GASK1A: variants seen among roughly 807,000 people sequenced by gnomAD.
GASK1A encodes Golgi-associated kinase 1A.
Under a neutral mutation model 41.2 loss-of-function variants are expected in GASK1A, and 40 were observed. The ratio of observed to expected loss-of-function variants is 0.97; its 90% CI spans 0.75 to 1.27. GASK1A has a LOEUF of 1.27. Ranked by LOEUF, GASK1A falls within the 50% of genes most tolerant of loss-of-function variation. The probability of loss-of-function intolerance (pLI) is 0.00; values close to 1 mark genes in which losing one functional copy is unlikely to be tolerated. For synonymous variants in GASK1A, 316 were observed against 307.1 expected (o/e 1.03, Z -0.30); for missense variants, 678 against 745.1 (o/e 0.91, Z 1.05).
chr3:43,051,076 C>CT (rs1256127423), intron 2 of GASK1A, among the ~76,000 whole-genome samples: 1 of 152,114 alleles, frequency 6.6e-6, no homozygotes, highest in Non-Finnish European at 1.5e-5. Flanking sequence ...CTTTGACTGT[C>CT]TCATATTTTT....
chr3:43,054,777 A>C (rs952588678), intron 3 of GASK1A, among the ~76,000 whole-genome samples: 2 of 152,214 alleles, frequency 1.3e-5, no homozygotes, highest in African/African-American at 4.8e-5. Context: ...TTGGTTTTGA[A>C]AAGGTTTAGG....
In GASK1A at chr3:42,992,895, G is replaced by A. The variant is rs184721849; in HGVS notation, c.3+13250G>A. Among the ~76,000 whole-genome samples, 6 of 152,304 alleles carry A rather than the reference G, an allele frequency of 3.9e-5. No individual in the cohort carries two copies. In the East Asian group the frequency reaches 7.7e-4, roughly 20 times the overall value. On this transcript the variant is annotated intron_variant, in intron 1 of 4. Transcript: ENST00000430121. Reference sequence around the variant, plus strand: ...TTATAGACAAAAAAGGTAAAGTGACGTACAGGAATCGGAAGTAGGTACAGA... The same window carrying A: ...TTATAGACAAAAAAGGTAAAGTGACATACAGGAATCGGAAGTAGGTACAGA...
chr3:42,985,582 TGTGTGG>T (rs1559395420), intron 1 of GASK1A, among the ~76,000 whole-genome samples: 7 of 146,472 alleles, frequency 4.8e-5, no homozygotes, highest in South Asian at 2.2e-4. Context: ...TGTGTGTGTG[TGTGTGG>T]GCGGAGGCAG....
In GASK1A at chr3:43,054,040, AG is replaced by A. The variant is rs1164071391; in HGVS notation, c.1413+398del. 2.6e-5 allele frequency: 9 copies of A among 350,748 alleles called. No homozygotes were observed. The East Asian group carries it at 6.7e-4, about 26-fold the overall frequency. The allele number at this position is 350,748 out of a possible 1,614,324, so 21.7% of individuals were successfully genotyped here. A position where few individuals can be genotyped will look rare whatever the true frequency, so the allele number is the denominator to read the frequency against. ...GGAATCTTCAAGGCCATACGCTAGC[AG>A]CATTAGGGCATGAACCCAAGACTGC... On this transcript the variant is annotated intron_variant, in intron 3 of 4. Transcript: ENST00000430121.
At chr3:43,027,035 C>T (rs57641345) in intron 1 of GASK1A, among the ~76,000 whole-genome samples, 31,270 of 152,158 alleles carry the variant, frequency 0.21, 3,464 homozygotes, top group South Asian at 0.36. Flanking sequence ...AAAATCAGTT[C>T]AATCTTAGAT....
intron 2 of GASK1A, among the ~76,000 whole-genome samples, chr3:43,036,931 C>G (rs947464165): frequency 3.9e-5 from 6 of 152,294 alleles, no homozygotes; most frequent in African/African-American, 1.4e-4. Context: ...CTGTAATAGG[C>G]TCCTGACCCA....
chr3:43,050,423 G>A (rs2089683632), intron 2 of GASK1A, among the ~76,000 whole-genome samples: 1 of 152,146 alleles, frequency 6.6e-6, no homozygotes, highest in East Asian at 1.9e-4. Context: ...TCCTTTTTAT[G>A]TGATGAGTGA....
At chr3:42,988,555 G>A (rs1465709572) in intron 1 of GASK1A, among the ~76,000 whole-genome samples, 1 of 152,244 alleles carries the variant, frequency 6.6e-6, no homozygotes, top group Non-Finnish European at 1.5e-5. Flanking sequence ...GCGAGATGAA[G>A]AGAGTAAGGC....
chr3:43,039,005 T>C (rs1482093245), intron 2 of GASK1A, among the ~76,000 whole-genome samples: 1 of 149,912 alleles, frequency 6.7e-6, no homozygotes, highest in Admixed American at 6.8e-5. Context: ...CTTTATTCTT[T>C]TAGTATAAAA....
chr3:43,005,273 A>G (rs1407490458), intron 1 of GASK1A, among the ~76,000 whole-genome samples: 1 of 152,224 alleles, frequency 6.6e-6, no homozygotes, highest in East Asian at 1.9e-4. Flanking sequence ...TTAACGGCTG[A>G]GCAGTATCCA....
chr3:43,031,344 C>T (rs1238374591), intron 1 of GASK1A, among the ~76,000 whole-genome samples: 1 of 152,190 alleles, frequency 6.6e-6, no homozygotes, highest in Non-Finnish European at 1.5e-5. Flanking sequence ...CAGTGGCTCT[C>T]AAGCTTAAGC....
At chr3:43,014,297 A>C (rs1296069685) in intron 1 of GASK1A, among the ~76,000 whole-genome samples, 1 of 152,012 alleles carries the variant, frequency 6.6e-6, no homozygotes, top group Non-Finnish European at 1.5e-5. Flanking sequence ...AGTCATGGGA[A>C]GGGGCTGTCT....
intron 1 of GASK1A, among the ~76,000 whole-genome samples, chr3:42,996,688 G>A (rs906881472): frequency 9.9e-5 from 15 of 152,206 alleles, no homozygotes; most frequent in Non-Finnish European, 2.1e-4. Context: ...ATGGCAGGAA[G>A]CCATGGGGAC....
intron 1 of GASK1A, among the ~76,000 whole-genome samples, chr3:43,003,492 CAAAAAA>C (rs34122767): frequency 2.1e-5 from 2 of 95,514 alleles, no homozygotes; most frequent in African/African-American, 4.2e-5. Context: ...GAGACTGTCT[CAAAAAA>C]AAAAAAAAAA....
chr3:43,004,899 T>C (rs1007086662), intron 1 of GASK1A, among the ~76,000 whole-genome samples: 1 of 152,250 alleles, frequency 6.6e-6, no homozygotes, highest in Non-Finnish European at 1.5e-5. Flanking sequence ...GAGTCTTATT[T>C]GGCTAAAATC....
chr3:42,987,614 C>CT (rs2089318895), intron 1 of GASK1A, among the ~76,000 whole-genome samples: 1 of 151,394 alleles, frequency 6.6e-6, no homozygotes, highest in Non-Finnish European at 1.5e-5. Flanking sequence ...ATGTTATATT[C>CT]TTAAGAGCAA....
chr3:43,046,084 G>T (rs1047508130), intron 2 of GASK1A, among the ~76,000 whole-genome samples: 1 of 152,170 alleles, frequency 6.6e-6, no homozygotes, highest in Admixed American at 6.5e-5. Flanking sequence ...GTGGGGTGCT[G>T]CTATAAAGGT....
rs143023118 is a variant in GASK1A at position 43,052,602 on chromosome 3, C to A, written c.1291-919C>A. Reference sequence around the variant, plus strand: ...TGATTCCCTACTGCTCAGCCGCCCTCGCTTCATCTTTCATCCACTTCCTAG... The same window carrying A: ...TGATTCCCTACTGCTCAGCCGCCCTAGCTTCATCTTTCATCCACTTCCTAG... On this transcript the variant is annotated intron_variant, in intron 2 of 4. Coordinates refer to ENST00000430121, the MANE Select transcript of GASK1A (RefSeq NM_001129908.3). Among the ~76,000 whole-genome samples, 4 of 152,240 alleles carry A rather than the reference C, an allele frequency of 2.6e-5. No individual in the cohort carries two copies. In the East Asian group the frequency reaches 7.7e-4, roughly 29 times the overall value.
intron 2 of GASK1A, among the ~76,000 whole-genome samples, chr3:43,052,163 G>A (rs978536022): frequency 1.3e-5 from 2 of 152,120 alleles, no homozygotes; most frequent in Non-Finnish European, 2.9e-5. Flanking sequence ...CCCTTCCTAG[G>A]ATTTGGACAA....
Sources: allele counts gnomAD v4.1 joint callset (sites outside exome capture counted in the v4.1 genomes callset), GRCh38; gene constraint gnomAD v4.1.1; transcripts MANE v1.5; gene names NCBI Gene and HGNC (gene_info 2026-07-23, HGNC 2026-07-21).